Variants in AGBL4 observed in about 807,000 individuals in gnomAD.
AGBL4 encodes the protein cytosolic carboxypeptidase 6.
In AGBL4, 58 loss-of-function variants were observed where a neutral mutation model predicts 66.4. That is an observed-to-expected ratio of 0.87 (90% CI 0.71 to 1.09). AGBL4 has a LOEUF of 1.09. Among genes scored for constraint, AGBL4 ranks in the 50% least tolerant of loss-of-function variants. The pLI, the probability that AGBL4 is intolerant of heterozygous loss-of-function variation, is 0.00. For synonymous variants in AGBL4, 234 were observed against 222.9 expected, an observed-to-expected ratio of 1.05 and a Z score of -0.44; for missense variants, 579 against 631.0, an observed-to-expected ratio of 0.92 and a Z score of 0.88.
chr1:49,792,245 T>G (rs969065171), intron 2 of AGBL4, among the ~76,000 whole-genome samples: 30 of 152,158 alleles, frequency 2.0e-4, no homozygotes, highest in African/African-American at 7.2e-4. Context: ...ATTAGAATTT[T>G]AAAACTTCTC....
At chr1:50,016,297 C>T (rs1272529801) in intron 1 of AGBL4, among the ~76,000 whole-genome samples, 56 of 152,280 alleles carry the variant, frequency 3.7e-4, no homozygotes, top group Non-Finnish European at 1.6e-4. Flanking sequence ...CGTGGTGGCT[C>T]ATGCCTGTAA....
chr1:48,856,480 C>T (rs1256272301), intron 6 of AGBL4, among the ~76,000 whole-genome samples: 2 of 152,092 alleles, frequency 1.3e-5, no homozygotes, highest in Non-Finnish European at 2.9e-5. Context: ...GTTTTTGAAA[C>T]AGCCCCTCGG....
chr1:48,627,439 G>T (rs1464941988), intron 9 of AGBL4, among the ~76,000 whole-genome samples: 1 of 152,030 alleles, frequency 6.6e-6, no homozygotes, highest in African/African-American at 2.4e-5. Flanking sequence ...GTATTTTGTG[G>T]GTTGGTGTGA....
At chr1:48,776,880 G>A (rs1252587133) in intron 6 of AGBL4, 2 of 1,327,756 alleles carry the variant, frequency 1.5e-6, no homozygotes, top group South Asian at 1.4e-5. Context: ...CCCGCGGGGC[G>A]GGCGCGGAGG....
chr1:48,654,630 T>A (rs576976675), intron 7 of AGBL4, among the ~76,000 whole-genome samples: 1 of 151,852 alleles, frequency 6.6e-6, no homozygotes, highest in South Asian at 2.1e-4. Flanking sequence ...GTCAGAAAGG[T>A]AGGTTTGATA....
intron 6 of AGBL4, among the ~76,000 whole-genome samples, chr1:48,840,679 A>T (rs1043426761): frequency 3.9e-5 from 6 of 152,248 alleles, no homozygotes; most frequent in Non-Finnish European, 7.3e-5. Context: ...TATTGCTGCT[A>T]GGAATGAAAA....
chr1:49,852,226 C>T (rs944807231), intron 1 of AGBL4, among the ~76,000 whole-genome samples: 4 of 152,046 alleles, frequency 2.6e-5, no homozygotes, highest in African/African-American at 9.7e-5. Flanking sequence ...AATCCAATAT[C>T]GAAGGAAAGT....
chr1:49,359,086 C>A (rs189440809), intron 3 of AGBL4, among the ~76,000 whole-genome samples: 1 of 152,192 alleles, frequency 6.6e-6, no homozygotes, highest in African/African-American at 2.4e-5. Flanking sequence ...GAGGCTCAGA[C>A]AAATTGGACC....
intron 5 of AGBL4, among the ~76,000 whole-genome samples, chr1:48,893,799 G>T (rs1429673170): frequency 6.6e-6 from 1 of 152,172 alleles, no homozygotes; most frequent in Non-Finnish European, 1.5e-5. Flanking sequence ...CAACCTGAGA[G>T]AGGGCCCTCA....
intron 1 of AGBL4, among the ~76,000 whole-genome samples, chr1:49,948,199 A>AATATAAATATATAAATATATATAAATAT (rs1557608839): frequency 3.1e-5 from 3 of 96,548 alleles, no homozygotes; most frequent in African/African-American, 4.2e-5. Flanking sequence ...AATATATATA[A>AATATAAATATATAAATATATATAAATAT]ATATAAATAT....
rs1557612009 is a variant in AGBL4, at chr1:49,950,065, CATATATATACACATATGTGTAT to C, written c.34+73676_34+73697del. Among the ~76,000 whole-genome samples the C allele has an allele frequency of 3.6e-4, 50 of 137,204 alleles. 1 individual carries two copies. In the South Asian group the frequency reaches 0.01, roughly 29 times the overall value. The allele number at this position is 137,204 out of a possible 152,430, so 90.0% of individuals were successfully genotyped here. A position where few individuals can be genotyped will look rare whatever the true frequency, so the allele number is the denominator to read the frequency against. ...ATACACATATGTGTATATATACACA[CATATATATACACATATGTGTAT>C]ATATATACACATATATATACATATG... On this transcript the variant is annotated intron_variant, in intron 1 of 13. Transcript: ENST00000371839.
chr1:49,375,936 AG>A (rs1299620846), intron 3 of AGBL4, among the ~76,000 whole-genome samples: 10 of 152,088 alleles, frequency 6.6e-5, no homozygotes, highest in African/African-American at 2.4e-4. Flanking sequence ...GTCCAGGAAA[AG>A]AAATGTCTCC....
chr1:49,359,419 C>T (rs2148533173), intron 3 of AGBL4, among the ~76,000 whole-genome samples: 1 of 152,228 alleles, frequency 6.6e-6, no homozygotes, highest in Admixed American at 6.5e-5. Context: ...GTTACTCACA[C>T]AATCTCTGAC....
chr1:49,843,732 A>G (rs554354685), intron 2 of AGBL4, among the ~76,000 whole-genome samples: 1 of 152,298 alleles, frequency 6.6e-6, no homozygotes, highest in East Asian at 1.9e-4. Flanking sequence ...GCATCTTGGG[A>G]AGCCACTATT....
intron 5 of AGBL4, among the ~76,000 whole-genome samples, chr1:48,964,610 G>T (rs1658271004): frequency 6.6e-6 from 1 of 152,138 alleles, no homozygotes. Flanking sequence ...TTTTATAGAA[G>T]TTCAGTGACT....
chr1:48,879,856 T>C (rs1649601141), intron 5 of AGBL4, among the ~76,000 whole-genome samples: 1 of 152,194 alleles, frequency 6.6e-6, no homozygotes. Context: ...CCCTTAAAAA[T>C]ACTTTGATCA....
chr1:48,781,701 TAGAA>T (rs923176550), intron 6 of AGBL4, among the ~76,000 whole-genome samples: 5 of 152,206 alleles, frequency 3.3e-5, no homozygotes, highest in Non-Finnish European at 7.3e-5. Flanking sequence ...TACCAAGTGT[TAGAA>T]AGGTCTTTTT....
chr1:49,619,675 TA>T (rs903395318), intron 3 of AGBL4, among the ~76,000 whole-genome samples: 6 of 151,330 alleles, frequency 4.0e-5, no homozygotes, highest in African/African-American at 9.7e-5. Flanking sequence ...AATCCTAAGC[TA>T]AAAAAAACAA....
intron 4 of AGBL4, among the ~76,000 whole-genome samples, chr1:49,076,753 T>C (rs998049100): frequency 1.3e-5 from 2 of 152,172 alleles, no homozygotes; most frequent in Admixed American, 1.3e-4. Flanking sequence ...AATACCTAAA[T>C]TGTGGGTTGG....
Sources: allele counts gnomAD v4.1 joint callset (sites outside exome capture counted in the v4.1 genomes callset), GRCh38; gene constraint gnomAD v4.1.1; transcripts MANE v1.5; gene names NCBI Gene and HGNC (gene_info 2026-07-23, HGNC 2026-07-21).